Variants in ATP10B observed in about 807,000 individuals in gnomAD.
The protein encoded by ATP10B is ATPase phospholipid transporting 10B (putative), also known as phospholipid-transporting ATPase VB.
In ATP10B, 122 loss-of-function variants were observed where a neutral mutation model predicts 141.2. The observed-to-expected ratio is 0.86, with a 90% CI of 0.75 to 1.00. The LOEUF is 1.00. Among genes scored for constraint, ATP10B ranks in the 50% least tolerant of loss-of-function variants. ATP10B has a pLI of 0.00. For missense variants in ATP10B, 1,876 were observed against 1,825.3 expected, an observed-to-expected ratio of 1.03 and a Z score of -0.51; for synonymous variants, 685 against 692.0, an observed-to-expected ratio of 0.99 and a Z score of 0.16.
chr5:160,696,118 T>G (rs1764342896), intron 3 of ATP10B, among the ~76,000 whole-genome samples: 1 of 152,154 alleles, frequency 6.6e-6, no homozygotes, highest in African/African-American at 2.4e-5. Flanking sequence ...CTTCAATTTT[T>G]TTTTCACTGA....
chr5:160,594,497 C>G (rs1161337708), intron 22 of ATP10B, among the ~76,000 whole-genome samples: 1 of 152,080 alleles, frequency 6.6e-6, no homozygotes, highest in Non-Finnish European at 1.5e-5. Context: ...GCAAAATAAC[C>G]AGCTAACATC....
At chr5:160,723,614 T>C (rs1298600183) in intron 2 of ATP10B, among the ~76,000 whole-genome samples, 1 of 152,190 alleles carries the variant, frequency 6.6e-6, no homozygotes, top group East Asian at 1.9e-4. Context: ...TTTTGTGTCA[T>C]TCTTATTTCT....
chr5:160,785,644 C>G lies in ATP10B; in HGVS notation c.-416G>C. 6 of 1,278,340 alleles carry G rather than the reference C, an allele frequency of 4.7e-6. No individual in the cohort carries two copies. Among genetic ancestry groups the G allele is most frequent in the Non-Finnish European group, 6.1e-6 (6 of 979,070 alleles). The allele number at this position is 1,278,340 out of a possible 1,614,324, so 79.2% of individuals were successfully genotyped here. Reference sequence around the variant, plus strand: ...TGTTTATTGTTCTCATCTTTGTGTCCATGTGTAAGAAATGGTAGTTTCTCA... The same window carrying G: ...TGTTTATTGTTCTCATCTTTGTGTCGATGTGTAAGAAATGGTAGTTTCTCA... On this transcript the variant is annotated 5_prime_UTR_variant, in exon 2 of 26. The change abolishes an upstream ATG in the 5' untranslated region. Coordinates refer to ENST00000327245, the MANE Select transcript of ATP10B (RefSeq NM_025153.3).
At chr5:160,877,137 A>G in the ATP10B span, among the ~76,000 whole-genome samples, 1 of 152,202 alleles carries the variant, frequency 6.6e-6, no homozygotes, top group Non-Finnish European at 1.5e-5. Flanking sequence ...AATCCTCAAT[A>G]AAATACTGGC....
At chr5:160,674,751 CT>C (rs1287023198) in intron 6 of ATP10B, among the ~76,000 whole-genome samples, 2 of 151,178 alleles carry the variant, frequency 1.3e-5, no homozygotes, top group Admixed American at 6.6e-5. Flanking sequence ...ATCCATATGA[CT>C]TTGGGAGCAT....
rs1287633782 is a variant in ATP10B at position 160,644,095 on chromosome 5, G to A, written c.868+43C>T. ...CTGAAGATGGATTTGGAGGGGGAAG[G>A]ATAAAGGAAAATTCAGACAAAAGAA... On this transcript the variant is annotated intron_variant, in intron 9 of 25. Transcript: ENST00000327245. The A allele has an allele frequency of 3.3e-6, 5 of 1,536,750 alleles. No homozygotes were observed. In the African/African-American group the frequency reaches 6.8e-5, roughly 21 times the overall value.
the ATP10B span, among the ~76,000 whole-genome samples, chr5:160,925,609 TTA>T: frequency 9.2e-5 from 14 of 152,354 alleles, no homozygotes; most frequent in South Asian, 2.9e-3. Context: ...ACTATCATGC[TTA>T]TGTTATTAAT....
intron 24 of ATP10B, among the ~76,000 whole-genome samples, chr5:160,584,016 C>T (rs1490696253): frequency 2.0e-5 from 3 of 152,142 alleles, no homozygotes; most frequent in Non-Finnish European, 4.4e-5. Context: ...CTGGCTTCAG[C>T]CCCCTTTCCA....
intron 7 of ATP10B, among the ~76,000 whole-genome samples, chr5:160,655,792 A>G (rs1761454109): frequency 6.6e-6 from 1 of 152,178 alleles, no homozygotes; most frequent in Non-Finnish European, 1.5e-5. Context: ...TTTACTATCT[A>G]TGATAGAGGA....
At chr5:160,611,886 C>T (rs908518466) in intron 18 of ATP10B, 1 of 152,228 alleles carries the variant, frequency 6.6e-6, no homozygotes, top group Non-Finnish European at 1.5e-5. Flanking sequence ...CCCCTGCTTC[C>T]TTCTGATAGG....
intron 12 of ATP10B, chr5:160,632,916 C>G (rs1581231921): frequency 6.6e-6 from 1 of 152,142 alleles, no homozygotes; most frequent in Middle Eastern, 3.4e-3. Context: ...AGGATATGAA[C>G]AGACACTTCT....
chr5:160,853,586 A>AT (rs1753905523), upstream of ATP10B, among the ~76,000 whole-genome samples: 1 of 152,172 alleles, frequency 6.6e-6, no homozygotes, highest in Non-Finnish European at 1.5e-5. Flanking sequence ...AGAGAGGCAC[A>AT]TGCAATTTAG....
intron 1 of ATP10B, among the ~76,000 whole-genome samples, chr5:160,814,362 A>T (rs1215799154): frequency 6.6e-6 from 1 of 152,238 alleles, no homozygotes; most frequent in East Asian, 1.9e-4. Context: ...AGCCGATTCG[A>T]TCAACTGGAA....
At chr5:160,576,984 G>A (rs1189684518) in intron 24 of ATP10B, among the ~76,000 whole-genome samples, 1 of 152,162 alleles carries the variant, frequency 6.6e-6, no homozygotes, top group African/African-American at 2.4e-5. Flanking sequence ...TCCCTCCCAG[G>A]AAAAGTCCAA....
At chr5:160,894,280 C>G in the ATP10B span, among the ~76,000 whole-genome samples, 2 of 151,824 alleles carry the variant, frequency 1.3e-5, no homozygotes, top group Admixed American at 1.3e-4. Flanking sequence ...TGTTCTAGCC[C>G]AATGCAAGGA....
At chr5:160,760,418 G>C (rs1464928921) in intron 2 of ATP10B, among the ~76,000 whole-genome samples, 1 of 152,168 alleles carries the variant, frequency 6.6e-6, no homozygotes, top group Admixed American at 6.5e-5. Context: ...TAATGTCCCA[G>C]TTGGCAAAAC....
intron 6 of ATP10B, among the ~76,000 whole-genome samples, chr5:160,675,878 A>AGGGGGGGGGGGGGGGGGGGGG (rs201534360): frequency 2.4e-5 from 1 of 41,238 alleles, no homozygotes; most frequent in African/African-American, 7.7e-5. Context: ...GGGGTGGGGG[A>AGGGGGGGGGGGGGGGGGGGGG]GGGGGGGCGA....
intron 8 of ATP10B, among the ~76,000 whole-genome samples, chr5:160,645,796 G>A (rs1430842756): frequency 2.0e-5 from 3 of 151,954 alleles, no homozygotes; most frequent in African/African-American, 4.8e-5. Flanking sequence ...ACTTCTTATC[G>A]CTAAGTCCAG....
intron 1 of ATP10B, among the ~76,000 whole-genome samples, chr5:160,788,826 C>T (rs1283575548): frequency 6.6e-6 from 1 of 152,112 alleles, no homozygotes; most frequent in Non-Finnish European, 1.5e-5. Context: ...AGTAAGTTAA[C>T]TTTCTATCCA....
Sources: allele counts gnomAD v4.1 joint callset (sites outside exome capture counted in the v4.1 genomes callset), GRCh38; gene constraint gnomAD v4.1.1; transcripts MANE v1.5; gene names NCBI Gene and HGNC (gene_info 2026-07-23, HGNC 2026-07-21).